UBE2J2: variants seen among roughly 807,000 people sequenced by gnomAD.
The protein encoded by UBE2J2 is ubiquitin-conjugating enzyme E2 J2.
Under a neutral mutation model 28.6 loss-of-function variants are expected in UBE2J2, and 5 were observed. That is an observed-to-expected ratio of 0.17 (90% CI 0.09 to 0.37). The LOEUF (loss-of-function observed/expected upper bound fraction) is 0.37. Among genes scored for constraint, UBE2J2 ranks in the 10% least tolerant of loss-of-function variants. The pLI is 1.00. For missense variants in UBE2J2, 226 were observed against 338.9 expected (o/e 0.67, Z 2.62); for synonymous variants, 138 against 139.7 (o/e 0.99, Z 0.09).
At position 1,267,662 on chromosome 1, in the gene UBE2J2, T is replaced by G. The variant is rs545615574; in HGVS notation, c.131+200A>C. 3.9e-5 allele frequency: 51 copies of G among 1,320,418 alleles called. 1 individual carries two copies. The South Asian group carries it at 4.0e-4, about 10-fold the overall frequency. 81.8% of individuals were successfully genotyped at this position (1,320,418 alleles called of 1,614,324 possible). A position where few individuals can be genotyped will look rare whatever the true frequency, so the allele number is the denominator to read the frequency against. On this transcript the variant is annotated intron_variant, in intron 2 of 6. Coordinates refer to ENST00000349431, the MANE Select transcript of UBE2J2 (RefSeq NM_058167.3). ...CCAGCCTGAGTCAAGCATGGCTCTGTGATGTCCCCGGCATGCGTCCATTGG... is the reference window on the plus strand; with the variant it reads ...CCAGCCTGAGTCAAGCATGGCTCTGGGATGTCCCCGGCATGCGTCCATTGG...
intron 2 of UBE2J2, 140 bp from the exon 3 acceptor site, chr1:1,263,526 A>G: frequency 2.6e-6 from 2 of 755,560 alleles, no homozygotes; most frequent in Admixed American, 3.8e-5. Context: ...GTGAAATGTC[A>G]CACAGCCACA....
At position 1,255,405 on chromosome 1, in the gene UBE2J2, C is replaced by T; in HGVS notation, c.578G>A (p.Gly193Glu). Residue 193 changes from glycine (G) to glutamate (E), a missense_variant, in exon 7 of 7, where the codon GGG becomes GAG. By Grantham distance (98) the Gly-to-Glu change is moderately conservative. Around this residue, in one of 3 missense-constraint regions of UBE2J2, gnomAD observed 133 missense variants for 161.5 expected, o/e 0.82. Transcript: ENST00000349431. ...TLPLPDVVPD[G>E]ETHLVQNGIQ... ...CCCGTTCTGGACGAGGTGCGTCTCC[C>T]CGTCTGGAACCACGTCTGGCAAGGG... 6.2e-7 allele frequency: 1 copy of T among 1,613,936 alleles called. No homozygotes were observed. The highest frequency in any genetic ancestry group is 8.5e-7 in the Non-Finnish European group (1 of 1,180,034).
intron 3 of UBE2J2, among the ~76,000 whole-genome samples, chr1:1,258,870 C>A (rs994096321): frequency 6.6e-6 from 1 of 152,280 alleles, no homozygotes; most frequent in Admixed American, 6.5e-5. Flanking sequence ...GAGGCCCACA[C>A]GCTGGCTGCC....
intron 1 of UBE2J2, among the ~76,000 whole-genome samples, chr1:1,269,163 G>A (rs1640023658): frequency 6.6e-6 from 1 of 150,984 alleles, no homozygotes; most frequent in Non-Finnish European, 1.5e-5. Context: ...AGACTGGGGA[G>A]AGGGGTGGTG....
chr1:1,256,949 A>C (rs1368180646), intron 5 of UBE2J2, 43 bp downstream of exon 5: 1 of 1,420,460 alleles, frequency 7.0e-7, no homozygotes, highest in Admixed American at 2.6e-5. Flanking sequence ...AGCCCCCCAG[A>C]CACAAGGCTG....
At chr1:1,262,413 G>C in intron 3 of UBE2J2, 1 of 430,356 alleles carries the variant, frequency 2.3e-6, no homozygotes, top group Non-Finnish European at 4.7e-6. Flanking sequence ...AGAGTCCACA[G>C]GTGTGGCTGT....
intron 2 of UBE2J2, 48 bp downstream of exon 2, chr1:1,267,814 C>T (rs565824560): frequency 6.3e-7 from 1 of 1,599,870 alleles, no homozygotes; most frequent in African/African-American, 1.3e-5. Flanking sequence ...CAGAGGCCTG[C>T]GTGGCAGCGA....
intron 3 of UBE2J2, among the ~76,000 whole-genome samples, chr1:1,258,754 T>C (rs1167109503): frequency 6.6e-6 from 1 of 152,240 alleles, no homozygotes; most frequent in African/African-American, 2.4e-5. Context: ...CAAATCCTGT[T>C]GGCCCCACCT....
At chr1:1,259,296 G>A (rs1449894717) in intron 3 of UBE2J2, among the ~76,000 whole-genome samples, 10 of 151,408 alleles carry the variant, frequency 6.6e-5, no homozygotes, top group Non-Finnish European at 1.2e-4. Context: ...ATCAGGACGC[G>A]TGTGCACGTG....
At chr1:1,270,860 A>G (rs908089825) in intron 1 of UBE2J2, among the ~76,000 whole-genome samples, 1 of 151,868 alleles carries the variant, frequency 6.6e-6, no homozygotes, top group Non-Finnish European at 1.5e-5. Context: ...GAGCAGCCCC[A>G]GCCAGCCCTC....
rs201753274 is a variant in UBE2J2, at chr1:1,257,100, C to G, written c.306G>C (p.Pro102=). The change falls in exon 5 of 7, where the codon CCG becomes CCC. Residue 102 remains proline (P), a synonymous_variant. Transcript: ENST00000349431. ...RLCLSITDFH[P]DTWNPAWSVS... is the part of the protein sequence containing the mutation. ...CAGACCAGGCCGGGTTCCACGTGTCCGGGTGGAAATCCGTGATAGAAAGAC... is the reference window on the plus strand; with the variant it reads ...CAGACCAGGCCGGGTTCCACGTGTCGGGGTGGAAATCCGTGATAGAAAGAC... 2.6e-5 allele frequency: 42 copies of G among 1,612,494 alleles called. No individual in the cohort carries two copies. The highest frequency in any genetic ancestry group is 1.6e-4 in the Middle Eastern group (1 of 6,082).
chr1:1,257,393 ACCCCC>A, intron 3 of UBE2J2, 83 bp from the exon 4 acceptor site: 67 of 214,174 alleles, frequency 3.1e-4, no homozygotes, highest in Middle Eastern at 2.1e-3. Context: ...CCCCCACGCC[ACCCCC>A]CCCCCCCCCC....
rs75492228 is a variant in UBE2J2, at chr1:1,263,281, C to T, written c.172+65G>A. The T allele has an allele frequency of 2.1e-3, 2,934 of 1,425,540 alleles. 67 individuals are homozygous for T. The East Asian group carries it at 0.034, about 17-fold the overall frequency. 88.3% of individuals were successfully genotyped at this position (1,425,540 alleles called of 1,614,324 possible). Reference sequence around the variant, plus strand: ...CTGTTTGCAAATAAAAGATGTTGAACAGGCAAGGCTGACTGAGAATATAAA... The same window carrying T: ...CTGTTTGCAAATAAAAGATGTTGAATAGGCAAGGCTGACTGAGAATATAAA... On this transcript the variant is annotated intron_variant, in intron 3 of 6. Coordinates refer to ENST00000349431, the MANE Select transcript of UBE2J2 (RefSeq NM_058167.3).
chr1:1,271,974 CA>C (rs60924258), intron 1 of UBE2J2, among the ~76,000 whole-genome samples: 773 of 27,584 alleles, frequency 0.028, 2 homozygotes, highest in African/African-American at 0.034. Context: ...AACTCCGTCT[CA>C]AAAAAAAAAA....
rs1175715730 is a variant in UBE2J2, at chr1:1,266,190, C to T, written c.131+1672G>A. 8.5e-6 allele frequency: 11 copies of T among 1,287,812 alleles called. No homozygotes were observed. In the Admixed American group the frequency reaches 1.6e-4, roughly 19 times the overall value. The allele number at this position is 1,287,812 out of a possible 1,614,324, so 79.8% of individuals were successfully genotyped here. A position where few individuals can be genotyped will look rare whatever the true frequency, so the allele number is the denominator to read the frequency against. On this transcript the variant is annotated intron_variant, in intron 2 of 6. Coordinates refer to ENST00000349431, the MANE Select transcript of UBE2J2 (RefSeq NM_058167.3). ...AGGGGCTCCGCCTCACCCTGGGTAT[C>T]CTCCGCCTGCCTGGGCTGGGCCTCC...
chr1:1,270,672 C>A (rs898956062), intron 1 of UBE2J2, among the ~76,000 whole-genome samples: 1 of 152,172 alleles, frequency 6.6e-6, no homozygotes, highest in African/African-American at 2.4e-5. Context: ...TAGTCTCTTC[C>A]CATTTCAAGG....
At position 1,255,418 on chromosome 1, in the gene UBE2J2, C is replaced by T; in HGVS notation, c.565G>A (p.Val189Met). Residue 189 changes from valine (V) to methionine (M), a missense_variant, in exon 7 of 7, where the codon GTG becomes ATG. Physicochemically the swap from Val to Met is conservative, Grantham distance 21. Around this residue, in one of 3 missense-constraint regions of UBE2J2, gnomAD observed 133 missense variants for 161.5 expected, o/e 0.82. Transcript: ENST00000349431. ...SRPQTLPLPDVVPDGETHLVQ... is the reference protein window; with the variant it reads ...SRPQTLPLPDMVPDGETHLVQ... ...AGGTGCGTCTCCCCGTCTGGAACCA[C>T]GTCTGGCAAGGGGAGAGTCTGGGGT... 1.9e-6 allele frequency: 3 copies of T among 1,613,948 alleles called. No individual in the cohort carries two copies. Among genetic ancestry groups the T allele is most frequent in the South Asian group, 1.1e-5 (1 of 91,084 alleles).
chr1:1,263,052 C>T (rs945933223), intron 3 of UBE2J2: 1 of 360,930 alleles, frequency 2.8e-6, no homozygotes, highest in African/African-American at 2.0e-5. Context: ...AATAGTAGAA[C>T]AGGCCAGCTT....
chr1:1,255,229 C>A lies in UBE2J2; in HGVS notation c.754G>T (p.Val252Leu). 6.2e-7 allele frequency: 1 copy of A among 1,608,828 alleles called. No individual in the cohort carries two copies. ...FAAFAYTVKY[V>L]LRSIAQE Reference sequence around the variant, plus strand: ...CACTCCTGCGCGATGCTCCTCAGCACGTACTTGACCGTGTAAGCAAAGGCT... The same window carrying A: ...CACTCCTGCGCGATGCTCCTCAGCAAGTACTTGACCGTGTAAGCAAAGGCT... The change falls in exon 7 of 7, where the codon GTG becomes TTG. Residue 252 changes from valine to leucine, a missense_variant. By Grantham distance (32) the Val-to-Leu change is conservative. This residue lies in a region of UBE2J2 where 133 missense variants were observed against 161.5 expected (regional missense o/e 0.82). Coordinates refer to ENST00000349431, the MANE Select transcript of UBE2J2 (RefSeq NM_058167.3).
Sources: gnomAD v4.1 joint callset for allele counts (sites outside exome capture counted in the v4.1 genomes callset) on GRCh38, gnomAD v4.1.1 for gene constraint, gnomAD v4.1.1 regional missense constraint, MANE v1.5 for transcripts, NCBI Gene and HGNC (gene_info 2026-07-23, HGNC 2026-07-21) for gene names.